ZNF84: variants seen among roughly 807,000 people sequenced by gnomAD.
The protein encoded by ZNF84 is zinc finger protein 84.
Under a neutral mutation model 14.8 loss-of-function variants are expected in ZNF84, and 12 were observed. The observed-to-expected ratio is 0.81, with a 90% CI of 0.52 to 1.31. The LOEUF (loss-of-function observed/expected upper bound fraction) is 1.31, where lower values mean the gene tolerates loss of function less well. Among genes scored for constraint, ZNF84 ranks in the 50% most tolerant of loss-of-function variants. The pLI, the probability that ZNF84 is intolerant of heterozygous loss-of-function variation, is 0.00. For synonymous variants in ZNF84, 347 were observed against 291.1 expected (o/e 1.19, Z -1.96); for missense variants, 859 against 878.6 (o/e 0.98, Z 0.28).
chr12:133,052,698 T>C (rs1443410737), intron 4 of ZNF84, among the ~76,000 whole-genome samples: 4 of 152,212 alleles, frequency 2.6e-5, no homozygotes, highest in Non-Finnish European at 4.4e-5. Context: ...ATGACCTCAT[T>C]TAATCTTACT....
At position 133,048,758 on chromosome 12, in the gene ZNF84, G is replaced by A. The variant is rs905355399; in HGVS notation, c.148G>A (p.Glu50Lys). The A allele has an allele frequency of 6.2e-7, 1 of 1,613,554 alleles. No homozygotes were observed. Among genetic ancestry groups the A allele is most frequent in the Admixed American group, 1.7e-5 (1 of 60,018 alleles). Residue 50 changes from glutamate (E) to lysine (K), a missense_variant, in exon 4 of 5, where the codon GAA (glutamate) becomes AAA (lysine). Transcript: ENST00000539354. ...TGTGATTTTTCCCTTAACAGGGTAT[G>A]AAGTTATGAAACCAGATGTCATCTT... is the stretch of plus-strand genomic sequence containing the variant. ...NYSSLVSLGY[E>K]VMKPDVIFKL... is the part of the protein sequence containing the mutation.
Position 133,062,940 on chromosome 12 carries a change from CTGTACGTG to C in ZNF84, c.*4012_*4019del. ...TAATGCCTATTGAATCTATATGAAC[CTGTACGTG>C]TGTTTCTCACTGTGATAATATAATC... is the stretch of plus-strand genomic sequence containing the variant. On this transcript the variant is annotated 3_prime_UTR_variant, in exon 5 of 5. Transcript: ENST00000539354. 1 of 608,240 alleles carries C rather than the reference CTGTACGTG, an allele frequency of 1.6e-6. No individual in the cohort carries two copies. Among genetic ancestry groups the C allele is most frequent in the Non-Finnish European group, 2.9e-6 (1 of 342,110 alleles). The allele number at this position is 608,240 out of a possible 1,614,324, so 37.7% of individuals were successfully genotyped here. A position where few individuals can be genotyped will look rare whatever the true frequency, so the allele number is the denominator to read the frequency against.
chr12:133,044,940 G>A (rs1034528004), intron 2 of ZNF84, among the ~76,000 whole-genome samples: 4 of 151,684 alleles, frequency 2.6e-5, no homozygotes, highest in African/African-American at 4.8e-5. Flanking sequence ...TAGCTATCTC[G>A]TCTTAAGTTG....
rs1247974094 is a variant in ZNF84 at position 133,060,127 on chromosome 12, A to G, written c.*1195A>G. On this transcript the variant is annotated 3_prime_UTR_variant, in exon 5 of 5. Transcript: ENST00000539354. ...TGAGGTGCCTCCATATAGTATATAT[A>G]TATGTATCTTAAGTGATATGTAACC... 1 of 152,198 alleles carries G rather than the reference A, an allele frequency of 6.6e-6. No homozygotes were observed. Among genetic ancestry groups the G allele is most frequent in the African/African-American group, 2.4e-5 (1 of 41,434 alleles). The allele number at this position is 152,198 out of a possible 1,614,324, so 9.4% of individuals were successfully genotyped here.
In ZNF84 at chr12:133,059,396, T is replaced by C. The variant is rs1273887961; in HGVS notation, c.*464T>C. On this transcript the variant is annotated 3_prime_UTR_variant, in exon 5 of 5. Transcript: ENST00000539354. The stretch of plus-strand genomic sequence containing the variant: ...TGCAACAAGTAACGAGACTATTTTG[T>C]ATTTTGGAGAATTCATATTATGGAG... The C allele has an allele frequency of 5.7e-6, 1 of 174,652 alleles. No individual in the cohort carries two copies. The highest frequency in any genetic ancestry group is 6.2e-5 in the Admixed American group (1 of 16,188). The allele number at this position is 174,652 out of a possible 1,614,324, so 10.8% of individuals were successfully genotyped here. A position where few individuals can be genotyped will look rare whatever the true frequency, so the allele number is the denominator to read the frequency against.
At position 133,048,074 on chromosome 12, in the gene ZNF84, G is replaced by A; in HGVS notation, c.135G>A (p.Val45=). The A allele has an allele frequency of 6.2e-7, 1 of 1,613,518 alleles. No homozygotes were observed. The highest frequency in any genetic ancestry group is 8.5e-7 in the Non-Finnish European group (1 of 1,179,632). Residue 45 remains valine (V), a synonymous_variant, in exon 3 of 5, where the codon GTG becomes GTA. Transcript: ENST00000539354. ...TGTTGGAGAACTATAGCAGCCTAGT[G>A]TCACTGGGTAATAAAAGCTTTCTTG... is the stretch of plus-strand genomic sequence containing the variant. The part of the protein sequence containing the change: ...DVMLENYSSL[V]SLGYEVMKPD...
intron 3 of ZNF84, chr12:133,048,530 G>A (rs1954022292): frequency 1.1e-5 from 4 of 358,044 alleles, no homozygotes; most frequent in African/African-American, 2.1e-5. Context: ...GAGCCTGGAT[G>A]TAAACCCAGG....
At position 133,041,416 on chromosome 12, in the gene ZNF84, G is replaced by A. The variant is rs964482770; in HGVS notation, c.-52G>A. The A allele has an allele frequency of 8.7e-6, 14 of 1,603,308 alleles. No homozygotes were observed. The highest frequency in any genetic ancestry group is 3.3e-5 in the Admixed American group (2 of 59,938). ...GTTTTGGGGCAGAAGCAGAAGAGAC[G>A]CACAGTAGAACCGATCTCAGCCTTG... is the stretch of plus-strand genomic sequence containing the variant. On this transcript the variant is annotated 5_prime_UTR_variant, in exon 2 of 5. Coordinates refer to ENST00000539354, the MANE Select transcript of ZNF84 (RefSeq NM_001289971.2).
chr12:133,041,506 T>A, intron 2 of ZNF84, 24 bp downstream of exon 2: 4 of 1,612,914 alleles, frequency 2.5e-6, no homozygotes, highest in Non-Finnish European at 2.5e-6. Context: ...TGAGTTCTTA[T>A]TTTTTCCCAG....
chr12:133,046,360 T>G (rs1016726497), intron 2 of ZNF84, among the ~76,000 whole-genome samples: 14,013 of 40,134 alleles, frequency 0.35, 1,034 homozygotes, highest in South Asian at 0.51. Context: ...TTTTTTTTTT[T>G]TTTTTTTTTT....
At position 133,041,379 on chromosome 12, in the gene ZNF84, C is replaced by A; in HGVS notation, c.-89C>A. 1 of 1,335,306 alleles carries A rather than the reference C, an allele frequency of 7.5e-7. No homozygotes were observed. Among genetic ancestry groups the A allele is most frequent in the Non-Finnish European group, 1.1e-6 (1 of 929,398 alleles). 82.7% of individuals were successfully genotyped at this position (1,335,306 alleles called of 1,614,324 possible). On this transcript the variant is annotated 5_prime_UTR_variant, in exon 2 of 5. Coordinates refer to ENST00000539354, the MANE Select transcript of ZNF84 (RefSeq NM_001289971.2). The stretch of plus-strand genomic sequence containing the variant: ...CTCAGTGTAGAAGACCTAGCTGAGA[C>A]CTCACTCCACAGTTTTGGGGCAGAA...
chr12:133,047,874 G>T (rs1030526935), intron 2 of ZNF84, 81 bp from the exon 3 acceptor site: 27 of 1,501,046 alleles, frequency 1.8e-5, no homozygotes, highest in Non-Finnish European at 2.3e-5. Flanking sequence ...TTATGAGAAT[G>T]AAGTGCTAAA....
At chr12:133,039,789 A>C (rs1953854389) in intron 1 of ZNF84, among the ~76,000 whole-genome samples, 1 of 152,184 alleles carries the variant, frequency 6.6e-6, no homozygotes, top group African/African-American at 2.4e-5. Flanking sequence ...GGGGAAAAAC[A>C]GTAACCACAA....
chr12:133,052,234 G>A (rs971646742), intron 4 of ZNF84, among the ~76,000 whole-genome samples: 3 of 152,114 alleles, frequency 2.0e-5, no homozygotes, highest in Admixed American at 2.0e-4. Context: ...TTCTGGGGAG[G>A]GCTGTCTTCC....
rs1018451742 is a variant in ZNF84, at chr12:133,059,668, C to G, written c.*736C>G. Reference sequence around the variant, plus strand: ...ACGTATGTTTTGTGTTTTGGACTTACCTATAATTTAATGTAATTGGGAGTA... The same window carrying G: ...ACGTATGTTTTGTGTTTTGGACTTAGCTATAATTTAATGTAATTGGGAGTA... On this transcript the variant is annotated 3_prime_UTR_variant, in exon 5 of 5. Transcript: ENST00000539354. 1 of 152,146 alleles carries G rather than the reference C, an allele frequency of 6.6e-6. No individual in the cohort carries two copies. The highest frequency in any genetic ancestry group is 1.9e-4 in the East Asian group (1 of 5,202). The allele number at this position is 152,146 out of a possible 1,614,324, so 9.4% of individuals were successfully genotyped here. A position where few individuals can be genotyped will look rare whatever the true frequency, so the allele number is the denominator to read the frequency against.
At chr12:133,051,977 C>T (rs2088685) in intron 4 of ZNF84, among the ~76,000 whole-genome samples, 1 of 151,880 alleles carries the variant, frequency 6.6e-6, no homozygotes, top group South Asian at 2.1e-4. Flanking sequence ...AGAGCATTAG[C>T]GATATATATT....
Position 133,056,952 on chromosome 12 carries a change from A to G in ZNF84, c.239-2A>G. On this transcript the variant is annotated splice_acceptor_variant, in intron 4 of 4. Coordinates refer to ENST00000539354, the MANE Select transcript of ZNF84 (RefSeq NM_001289971.2). LOFTEE classifies it high-confidence loss of function. Reference sequence around the variant, plus strand: ...AACAGATTGTTTTTGTTTCCTTTATAGAAGTCTGGAAAGTAGATGGTAACA... The same window carrying G: ...AACAGATTGTTTTTGTTTCCTTTATGGAAGTCTGGAAAGTAGATGGTAACA... The G allele has an allele frequency of 6.4e-7, 1 of 1,557,904 alleles. No homozygotes were observed. The highest frequency in any genetic ancestry group is 8.6e-7 in the Non-Finnish European group (1 of 1,159,846).
chr12:133,054,958 C>T (rs1954128878), intron 4 of ZNF84, among the ~76,000 whole-genome samples: 1 of 151,978 alleles, frequency 6.6e-6, no homozygotes, highest in Non-Finnish European at 1.5e-5. Flanking sequence ...ATTTTTCTGC[C>T]TTATCTAAAT....
chr12:133,058,945 T>C lies in ZNF84; in HGVS notation c.*13T>C. On this transcript the variant is annotated 3_prime_UTR_variant, in exon 5 of 5. Coordinates refer to ENST00000539354, the MANE Select transcript of ZNF84 (RefSeq NM_001289971.2). ...AAAAAAATCCTAGGAATACAGTTAA[T>C]AGTAGTCTTTGACAGATCATCTTGG... The C allele has an allele frequency of 6.4e-7, 1 of 1,573,036 alleles. No homozygotes were observed.
Sources: allele counts gnomAD v4.1 joint callset (sites outside exome capture counted in the v4.1 genomes callset), GRCh38; gene constraint gnomAD v4.1.1; transcripts MANE v1.5; gene names NCBI Gene and HGNC (gene_info 2026-07-23, HGNC 2026-07-21).